The following MKRN2OS variants were observed in gnomAD, a reference collection of about 807,000 sequenced individuals.
MKRN2OS encodes the protein MKRN2 opposite strand.
MKRN2OS carries 17 observed loss-of-function variants against 18.2 expected under a neutral mutation model. The ratio of observed to expected loss-of-function variants is 0.93; its 90% confidence interval spans 0.64 to 1.40. The LOEUF (loss-of-function observed/expected upper bound fraction) is 1.40, where lower values mean the gene tolerates loss of function less well. Among genes scored for constraint, MKRN2OS ranks in the 40% most tolerant of loss-of-function variants. The pLI is 0.00. For missense variants in MKRN2OS, 337 were observed against 283.0 expected (o/e 1.19, Z -1.37); for synonymous variants, 121 against 108.5 (o/e 1.12, Z -0.72).
At chr3:12,548,035 C>T (rs560544459), upstream of MKRN2OS, among the ~76,000 whole-genome samples, 2 of 152,274 alleles carry the variant, frequency 1.3e-5, no homozygotes, top group South Asian at 2.1e-4. Flanking sequence ...TACGGCCGGG[C>T]GCAGTGGCTC....
In MKRN2OS at chr3:12,542,164, C is replaced by T. The variant is rs1363057696; in HGVS notation, c.269-142G>A. On this transcript the variant is annotated intron_variant, in intron 2 of 3. Coordinates refer to ENST00000564146, the MANE Select transcript of MKRN2OS (RefSeq NM_001195279.2). The stretch of plus-strand genomic sequence containing the variant: ...TGGAGGTTCTAGAATCTTCCATCCA[C>T]CTAATGAGATTTAGATTTGCCTACA... 4 of 843,108 alleles carry T rather than the reference C, an allele frequency of 4.7e-6. No individual in the cohort carries two copies. The African/African-American group carries it at 5.2e-5, about 11-fold the overall frequency. The allele number at this position is 843,108 out of a possible 1,614,324, so 52.2% of individuals were successfully genotyped here.
intron 1 of MKRN2OS, among the ~76,000 whole-genome samples, chr3:12,544,594 A>G (rs1000574675): frequency 6.6e-6 from 1 of 151,824 alleles, no homozygotes; most frequent in African/African-American, 2.4e-5. Flanking sequence ...GCTCCCGAAA[A>G]TCGCTTGAAC....
chr3:12,555,758 C>T (rs1203163172), intron 1 of MKRN2OS, among the ~76,000 whole-genome samples: 1 of 152,200 alleles, frequency 6.6e-6, no homozygotes, highest in African/African-American at 2.4e-5. Flanking sequence ...AGCCCCCACC[C>T]ACCCCCTGCA....
intron 1 of MKRN2OS, chr3:12,556,933 A>T (rs1328551032): frequency 2.4e-6 from 1 of 421,952 alleles, no homozygotes; most frequent in Non-Finnish European, 4.0e-6. Context: ...GAGAGCAGGG[A>T]TGCCGGGACA....
At chr3:12,550,121 C>T (rs932421686), upstream of MKRN2OS, among the ~76,000 whole-genome samples, 7 of 152,182 alleles carry the variant, frequency 4.6e-5, no homozygotes, top group Non-Finnish European at 7.3e-5. Flanking sequence ...AAACCTACGT[C>T]CACACAAAAA....
intron 3 of MKRN2OS, among the ~76,000 whole-genome samples, chr3:12,541,401 T>C (rs919390217): frequency 4.6e-5 from 7 of 152,134 alleles, no homozygotes; most frequent in African/African-American, 1.7e-4. Flanking sequence ...GTATTTTTAA[T>C]AGAGACGGGG....
At chr3:12,551,375 G>C (rs2057928392), downstream of MKRN2OS, among the ~76,000 whole-genome samples, 1 of 151,720 alleles carries the variant, frequency 6.6e-6, no homozygotes, top group Non-Finnish European at 1.5e-5. Context: ...CGCACCTGTG[G>C]TTCCAGCTAC....
rs1281120626 is a variant in MKRN2OS at position 12,545,423 on chromosome 3, G to A, written c.42C>T (p.Asn14=). Residue 14 remains asparagine, a synonymous_variant, in exon 1 of 4, where the codon AAC becomes AAT. Transcript: ENST00000564146. ...AGCTGTAGATGTATTTCTCACAGTG[G>A]TTGAATTTAATTAAAGCCTTCCCAG... ...AEAGKALIKF[N]HCEKYIYSFS... 1 of 1,535,106 alleles carries A rather than the reference G, an allele frequency of 6.5e-7. No homozygotes were observed. Among genetic ancestry groups the A allele is most frequent in the Non-Finnish European group, 8.7e-7 (1 of 1,146,506 alleles).
intron 1 of MKRN2OS, among the ~76,000 whole-genome samples, chr3:12,557,495 G>T (rs1418084514): frequency 6.6e-6 from 1 of 152,250 alleles, no homozygotes; most frequent in Non-Finnish European, 1.5e-5. Context: ...GAAGGCTCTG[G>T]GGCTTACGCT....
chr3:12,554,803 T>G (rs983964966), intron 1 of MKRN2OS, among the ~76,000 whole-genome samples: 1 of 152,194 alleles, frequency 6.6e-6, no homozygotes, highest in African/African-American at 2.4e-5. Context: ...TTGTGTATAT[T>G]TAAAGAAATT....
intron 1 of MKRN2OS, among the ~76,000 whole-genome samples, chr3:12,544,509 C>A (rs1232863059): frequency 6.6e-6 from 1 of 151,936 alleles, no homozygotes; most frequent in African/African-American, 2.4e-5. Flanking sequence ...AACCCCGTCT[C>A]TACTAAAAAT....
chr3:12,542,846 C>G (rs1481846020), intron 2 of MKRN2OS, among the ~76,000 whole-genome samples: 2 of 152,022 alleles, frequency 1.3e-5, no homozygotes, highest in Admixed American at 6.6e-5. Context: ...GTTCCAAATT[C>G]TGCTTCAGAC....
intron 1 of MKRN2OS, among the ~76,000 whole-genome samples, chr3:12,555,183 G>A (rs1488956379): frequency 1.3e-5 from 2 of 151,984 alleles, no homozygotes; most frequent in Non-Finnish European, 2.9e-5. Context: ...GGCAGCGTGC[G>A]CCTGTATAAT....
chr3:12,540,149 C>T lies in MKRN2OS; in HGVS notation c.*44G>A. 1 of 1,535,216 alleles carries T rather than the reference C, an allele frequency of 6.5e-7. No homozygotes were observed. The highest frequency in any genetic ancestry group is 1.2e-5 in the South Asian group (1 of 84,002). On this transcript the variant is annotated 3_prime_UTR_variant, in exon 4 of 4. Coordinates refer to ENST00000564146, the MANE Select transcript of MKRN2OS (RefSeq NM_001195279.2). ...AATCCATAGTACTGATTAAAGGTAG[C>T]AACCACCCTACCCTCCAGCGTCCAG... is the stretch of plus-strand genomic sequence containing the variant.
intron 1 of MKRN2OS, among the ~76,000 whole-genome samples, chr3:12,558,951 GGTCAT>G (rs2058010256): frequency 2.0e-5 from 3 of 152,180 alleles, no homozygotes; most frequent in Non-Finnish European, 4.4e-5. Flanking sequence ...ACTTGCCTAA[GGTCAT>G]TTAGCTTCCA....
intron 1 of MKRN2OS, among the ~76,000 whole-genome samples, chr3:12,555,154 C>CA (rs2057957626): frequency 6.6e-6 from 1 of 151,914 alleles, no homozygotes; most frequent in Non-Finnish European, 1.5e-5. Flanking sequence ...TACTAAAACA[C>CA]AAAAAATCAG....
At chr3:12,558,164 G>A (rs1371485244) in intron 1 of MKRN2OS, among the ~76,000 whole-genome samples, 2 of 152,168 alleles carry the variant, frequency 1.3e-5, no homozygotes, top group African/African-American at 2.4e-5. Context: ...CTCTTCATTG[G>A]TATGAATAGT....
intron 1 of MKRN2OS, among the ~76,000 whole-genome samples, chr3:12,558,286 G>C (rs563395445): frequency 6.6e-6 from 1 of 152,296 alleles, no homozygotes; most frequent in Non-Finnish European, 1.5e-5. Flanking sequence ...TTTGCACCTA[G>C]TGTCTATAAA....
At chr3:12,554,471 A>T (rs1303594639) in intron 1 of MKRN2OS, among the ~76,000 whole-genome samples, 1 of 109,394 alleles carries the variant, frequency 9.1e-6, no homozygotes, top group Non-Finnish European at 2.0e-5. Flanking sequence ...TTTCATAAAT[A>T]TATATGAAAT....
Sources: gnomAD v4.1 joint callset for allele counts (sites outside exome capture counted in the v4.1 genomes callset) on GRCh38, gnomAD v4.1.1 for gene constraint, MANE v1.5 for transcripts, NCBI Gene and HGNC (gene_info 2026-07-23, HGNC 2026-07-21) for gene names.